Variants in RTTN observed in about 807,000 individuals in gnomAD.
The protein encoded by RTTN is rotatin.
In RTTN, 182 loss-of-function variants were observed where a neutral mutation model predicts 269.2. That is an observed-to-expected ratio of 0.68 (90% confidence interval 0.60 to 0.76). The LOEUF (loss-of-function observed/expected upper bound fraction) is 0.76. Among genes scored for constraint, RTTN ranks in the 30% least tolerant of loss-of-function variants. The probability of loss-of-function intolerance (pLI) is 0.00; values close to 1 mark genes in which losing one functional copy is unlikely to be tolerated. For synonymous variants in RTTN, 1,006 were observed against 963.5 expected (o/e 1.04, Z -0.82); for missense variants, 2,545 against 2,608.6 (o/e 0.98, Z 0.53).
At chr18:70,032,182 C>T (rs73971804) in intron 40 of RTTN, among the ~76,000 whole-genome samples, 2,525 of 152,312 alleles carry the variant, frequency 0.017, 71 homozygotes, top group African/African-American at 0.057. Context: ...TGTGGGACCT[C>T]AACTCTGCAG....
intron 32 of RTTN, among the ~76,000 whole-genome samples, chr18:70,077,395 T>C (rs1419919073): frequency 6.6e-6 from 1 of 151,930 alleles, no homozygotes; most frequent in Non-Finnish European, 1.5e-5. Flanking sequence ...CTACAGCTCT[T>C]TGAGAGATCT....
intron 37 of RTTN, among the ~76,000 whole-genome samples, chr18:70,054,606 G>A (rs1322166734): frequency 1.3e-5 from 2 of 152,176 alleles, no homozygotes; most frequent in African/African-American, 4.8e-5. Flanking sequence ...GCCAAGGTGG[G>A]CAGATGGCTT....
intron 32 of RTTN, among the ~76,000 whole-genome samples, chr18:70,078,182 A>C (rs1310398896): frequency 6.6e-6 from 1 of 151,260 alleles, no homozygotes; most frequent in African/African-American, 2.5e-5. Flanking sequence ...TCAGCCATAA[A>C]GAAGTAAAAA....
chr18:70,004,066 G>C lies in RTTN; in HGVS notation c.*85C>G. On this transcript the variant is annotated 3_prime_UTR_variant, in exon 49 of 49. Transcript: ENST00000640769. ...TTTGTAGAGAGGTAGCACGTCTTCA[G>C]GTAACAGCTGCTACACACAGCTGGC... 1 of 984,638 alleles carries C rather than the reference G, an allele frequency of 1.0e-6. No homozygotes were observed. Among genetic ancestry groups the C allele is most frequent in the Non-Finnish European group, 1.6e-6 (1 of 616,320 alleles). The allele number at this position is 984,638 out of a possible 1,614,324, so 61.0% of individuals were successfully genotyped here.
rs568114336 is a variant in RTTN, at chr18:70,005,656, A to G, written c.6526-389T>C. ...TTGGTCAACAAATATTTACAGAGTGACTACAAAGTGCCAAATCCTGTGCTA... is the reference window on the plus strand; with the variant it reads ...TTGGTCAACAAATATTTACAGAGTGGCTACAAAGTGCCAAATCCTGTGCTA... On this transcript the variant is annotated intron_variant, in intron 47 of 48. Coordinates refer to ENST00000640769, the MANE Select transcript of RTTN (RefSeq NM_173630.4). The G allele has an allele frequency of 2.2e-3, 356 of 160,424 alleles. 1 individual carries two copies. Among genetic ancestry groups the G allele is most frequent in the African/African-American group, 8.1e-3 (341 of 41,866 alleles). The allele number at this position is 160,424 out of a possible 1,614,324, so 9.9% of individuals were successfully genotyped here.
chr18:70,193,540 C>G (rs1282015778), intron 7 of RTTN, 87 bp from the exon 8 acceptor site: 26 of 1,019,396 alleles, frequency 2.6e-5, no homozygotes, highest in Non-Finnish European at 3.3e-5. Flanking sequence ...CTTCCAAAAA[C>G]ATTAACAAAT....
At chr18:70,169,664 A>G (rs538444121) in intron 11 of RTTN, among the ~76,000 whole-genome samples, 1 of 152,354 alleles carries the variant, frequency 6.6e-6, no homozygotes, top group South Asian at 2.1e-4. Flanking sequence ...CCCCTTAATT[A>G]GTATAAAATC....
intron 27 of RTTN, among the ~76,000 whole-genome samples, chr18:70,112,483 C>CAAAAGAAAA (rs2059495501): frequency 1.5e-5 from 1 of 68,046 alleles, no homozygotes; most frequent in Admixed American, 2.2e-4. Flanking sequence ...AAATGGAAAG[C>CAAAAGAAAA]AAAAAAAAAA....
chr18:70,060,332 C>T (rs1002879173), intron 35 of RTTN, among the ~76,000 whole-genome samples: 1 of 152,132 alleles, frequency 6.6e-6, no homozygotes, highest in African/African-American at 2.4e-5. Flanking sequence ...TCATGCCCCA[C>T]GTATTCAGAC....
chr18:70,162,885 TGA>T (rs1491569315), intron 14 of RTTN, among the ~76,000 whole-genome samples: 6 of 16,544 alleles, frequency 3.6e-4, no homozygotes, highest in South Asian at 2.3e-3. Flanking sequence ...AAATAAAAGT[TGA>T]AAAAAAAAAA....
intron 10 of RTTN, among the ~76,000 whole-genome samples, chr18:70,185,953 T>TA (rs992131626): frequency 2.1e-4 from 31 of 149,374 alleles, no homozygotes; most frequent in South Asian, 4.3e-4. Context: ...AGTGTTTTTT[T>TA]AAAAAAAAAC....
At chr18:70,159,719 A>G (rs535329322) in intron 14 of RTTN, among the ~76,000 whole-genome samples, 2 of 152,276 alleles carry the variant, frequency 1.3e-5, no homozygotes, top group East Asian at 3.9e-4. Flanking sequence ...CAATCCAAAT[A>G]AACACAATCA....
chr18:70,178,862 T>C (rs1312535331), intron 10 of RTTN, among the ~76,000 whole-genome samples: 1 of 151,956 alleles, frequency 6.6e-6, no homozygotes, highest in African/African-American at 2.4e-5. Context: ...AAAGACTCAA[T>C]AAAAATGAGT....
chr18:70,203,988 G>A (rs117388867), intron 3 of RTTN, 98 bp downstream of exon 3: 15,408 of 908,310 alleles, frequency 0.017, 214 homozygotes, highest in South Asian at 0.04. Flanking sequence ...GTTTGGGGGA[G>A]GTGGGAGAAA....
chr18:70,084,826 T>G (rs998287447), intron 32 of RTTN, among the ~76,000 whole-genome samples: 9 of 152,196 alleles, frequency 5.9e-5, no homozygotes, highest in Non-Finnish European at 1.0e-4. Context: ...TAAATCACTA[T>G]TTTCCACTTT....
At chr18:70,166,217 T>A (rs776328610) in intron 13 of RTTN, 29 bp from the exon 14 acceptor site, 18 of 1,610,292 alleles carry the variant, frequency 1.1e-5, no homozygotes, top group Non-Finnish European at 1.5e-5. Flanking sequence ...AACCAAGACA[T>A]GTGAGGCAAG....
intron 25 of RTTN, among the ~76,000 whole-genome samples, chr18:70,122,186 G>A (rs2059755897): frequency 6.6e-6 from 1 of 151,934 alleles, no homozygotes; most frequent in Admixed American, 6.6e-5. Flanking sequence ...AAACACTGAA[G>A]GTAGACTTAG....
At chr18:70,203,185 G>A (rs577869965) in intron 3 of RTTN, among the ~76,000 whole-genome samples, 11 of 151,902 alleles carry the variant, frequency 7.2e-5, no homozygotes, top group Admixed American at 3.9e-4. Flanking sequence ...ATCTCATGAC[G>A]ATTCTATGAG....
chr18:70,080,928 T>TCACACACACACA (rs138851066), intron 32 of RTTN, among the ~76,000 whole-genome samples: 13 of 146,888 alleles, frequency 8.9e-5, no homozygotes, highest in Non-Finnish European at 9.0e-5. Context: ...GTGTGTGGTA[T>TCACACACACACA]CACACACACA....
Sources: allele counts gnomAD v4.1 joint callset (sites outside exome capture counted in the v4.1 genomes callset), GRCh38; gene constraint gnomAD v4.1.1; transcripts MANE v1.5; gene names NCBI Gene and HGNC (gene_info 2026-07-23, HGNC 2026-07-21).